The following CREBRF variants were observed in gnomAD, a reference collection of about 807,000 sequenced individuals.
CREBRF encodes UPF0474 protein C5orf41.
In CREBRF, 5 loss-of-function variants were observed where a neutral mutation model predicts 66.1. The ratio of observed to expected loss-of-function variants is 0.08; its 90% CI spans 0.04 to 0.16. The LOEUF (loss-of-function observed/expected upper bound fraction) is 0.16, where lower values mean the gene tolerates loss of function less well. Ranked by LOEUF, CREBRF falls within the 10% of genes least tolerant of loss-of-function variation. The probability of loss-of-function intolerance (pLI) is 1.00; values close to 1 mark genes in which losing one functional copy is unlikely to be tolerated. For synonymous variants in CREBRF, 229 were observed against 264.4 expected, an observed-to-expected ratio of 0.87 and a Z score of 1.30; for missense variants, 531 against 744.9, an observed-to-expected ratio of 0.71 and a Z score of 3.34.
At chr5:173,069,812 C>A (rs966401179) in intron 1 of CREBRF, among the ~76,000 whole-genome samples, 2 of 152,038 alleles carry the variant, frequency 1.3e-5, no homozygotes, top group African/African-American at 4.8e-5. Context: ...GGTGGTATAG[C>A]CTGCTTCACA....
intron 2 of CREBRF, chr5:173,085,990 T>A (rs1010951036): frequency 6.6e-7 from 1 of 1,507,918 alleles, no homozygotes; most frequent in African/African-American, 1.4e-5. Flanking sequence ...GAAATACATC[T>A]GTTTGTGGAT....
Position 173,090,793 on chromosome 5 carries a change from G to A in CREBRF, c.614G>A (p.Ser205Asn), listed in dbSNP as rs762457981. 1 of 1,614,104 alleles carries A rather than the reference G, an allele frequency of 6.2e-7. No individual in the cohort carries two copies. Among genetic ancestry groups the A allele is most frequent in the South Asian group, 1.1e-5 (1 of 91,086 alleles). ...TTGTCAGACTGTGTCCAAAAAGCAAGTAAACCCACTTCAAGCACACAAATC... is the reference window on the plus strand; with the variant it reads ...TTGTCAGACTGTGTCCAAAAAGCAAATAAACCCACTTCAAGCACACAAATC... Reference protein sequence around the residue: ...VPLSDCVQKASKPTSSTQIMV... With the variant: ...VPLSDCVQKANKPTSSTQIMV... Residue 205 changes from serine to asparagine, a missense_variant, in exon 4 of 9, where the codon AGT becomes AAT. Physicochemically the swap from Ser to Asn is conservative, Grantham distance 46. Coordinates refer to ENST00000296953, the MANE Select transcript of CREBRF (RefSeq NM_153607.3). This position sits in a 1 kb window ranked among gnomAD's most constrained non-coding sequence, Gnocchi z 4.5.
At chr5:173,094,905 A>G (rs1261984175) in intron 4 of CREBRF, among the ~76,000 whole-genome samples, 3 of 151,920 alleles carry the variant, frequency 2.0e-5, no homozygotes, top group Admixed American at 1.3e-4. Context: ...TAGTATTTTT[A>G]TTATTTAGTT....
At chr5:173,111,657 C>T (rs920596803) in intron 6 of CREBRF, among the ~76,000 whole-genome samples, 4 of 152,188 alleles carry the variant, frequency 2.6e-5, no homozygotes, top group African/African-American at 9.7e-5. Flanking sequence ...TATCCATTCA[C>T]CAGTTGAAGG....
At chr5:173,078,661 C>G (rs1412852685) in intron 1 of CREBRF, among the ~76,000 whole-genome samples, 1 of 151,410 alleles carries the variant, frequency 6.6e-6, no homozygotes, top group Non-Finnish European at 1.5e-5. Context: ...CGGGTTCACA[C>G]CATTCTCCTG....
At chr5:173,118,431 C>A (rs72816140) in intron 7 of CREBRF, among the ~76,000 whole-genome samples, 5,719 of 152,172 alleles carry the variant, frequency 0.038, 141 homozygotes, top group South Asian at 0.091. Flanking sequence ...CCAGCATTTA[C>A]AAATCTTTTC....
chr5:173,112,436 C>T, intron 7 of CREBRF, 57 bp downstream of exon 7: 4 of 1,209,676 alleles, frequency 3.3e-6, no homozygotes, highest in Admixed American at 2.1e-5. Context: ...TGACCACTCT[C>T]TCTTTTCTTT....
Position 173,090,895 on chromosome 5 carries a change from A to G in CREBRF, c.716A>G (p.Lys239Arg), listed in dbSNP as rs747234883. The G allele has an allele frequency of 6.2e-7, 1 of 1,614,226 alleles. No individual in the cohort carries two copies. Among genetic ancestry groups the G allele is most frequent in the South Asian group, 1.1e-5 (1 of 91,082 alleles). The change falls in exon 4 of 9, where the codon AAG becomes AGG. Residue 239 changes from lysine to arginine, a missense_variant. Physicochemically the swap from Lys to Arg is conservative, Grantham distance 26 (BLOSUM62 2). Coordinates refer to ENST00000296953, the MANE Select transcript of CREBRF (RefSeq NM_153607.3). The surrounding 1 kb of genome is among the most constrained non-coding windows in gnomAD (Gnocchi z 4.5). The stretch of plus-strand genomic sequence containing the variant: ...TGTAAAGACTATGTAAAAAAGGCAA[A>G]GGTAAAGATCAACCCAGTGCAACAG... ...VECKDYVKKA[K>R]VKINPVQQSR...
intron 2 of CREBRF, among the ~76,000 whole-genome samples, chr5:173,082,003 G>GTTTTTTTTTTGTTTTTTT (rs780926481): frequency 1.9e-4 from 15 of 78,034 alleles, no homozygotes; most frequent in South Asian, 1.0e-3. Flanking sequence ...TCAAGGTTTA[G>GTTTTTTTTTTGTTTTTTT]TTTTTTTTTT....
chr5:173,099,725 T>G (rs1247277105), intron 4 of CREBRF, among the ~76,000 whole-genome samples: 3 of 152,116 alleles, frequency 2.0e-5, no homozygotes, highest in Non-Finnish European at 4.4e-5. Flanking sequence ...CTACAGATTT[T>G]TCTTTGTGAT....
chr5:173,084,371 A>G (rs1394093351), intron 2 of CREBRF, among the ~76,000 whole-genome samples: 1 of 152,252 alleles, frequency 6.6e-6, no homozygotes, highest in Non-Finnish European at 1.5e-5. Flanking sequence ...CCAGGGTGGA[A>G]CCAGGGAACA....
In CREBRF at chr5:173,122,513, C is replaced by CT. The variant is rs570872361; in HGVS notation, c.1682-556dup. On this transcript the variant is annotated intron_variant, in intron 7 of 8. Coordinates refer to ENST00000296953, the MANE Select transcript of CREBRF (RefSeq NM_153607.3). ...ATGCTTTCTTACACATTCTCCATTT[C>CT]TTTTTTTTTTTGAGCATAGAATTTT... Among the ~76,000 whole-genome samples the CT allele has an allele frequency of 1.8e-3, 242 of 136,618 alleles. 1 individual carries two copies. The highest frequency in any genetic ancestry group is 6.9e-3 in the East Asian group (32 of 4,636). The allele number at this position is 136,618 out of a possible 152,430, so 89.6% of individuals were successfully genotyped here.
intron 8 of CREBRF, among the ~76,000 whole-genome samples, chr5:173,130,842 C>T (rs1168715125): frequency 6.6e-6 from 1 of 152,096 alleles, no homozygotes; most frequent in Non-Finnish European, 1.5e-5. Flanking sequence ...ACTCCCAAGT[C>T]ACTGGTCGTA....
intron 1 of CREBRF, among the ~76,000 whole-genome samples, chr5:173,078,313 A>G (rs1028407820): frequency 6.6e-6 from 1 of 152,122 alleles, no homozygotes; most frequent in Non-Finnish European, 1.5e-5. Context: ...CGGAAGAGCT[A>G]CTTACTGTTG....
At chr5:173,115,084 GTTTTTTCTTTT>G (rs1758955435) in intron 7 of CREBRF, among the ~76,000 whole-genome samples, 1 of 150,654 alleles carries the variant, frequency 6.6e-6, no homozygotes, top group African/African-American at 2.4e-5. Flanking sequence ...ATTTTATAGT[GTTTTTTCTTTT>G]TCTTTTCTTT....
chr5:173,072,282 CTTT>C (rs1304681293), intron 1 of CREBRF, among the ~76,000 whole-genome samples: 1 of 145,612 alleles, frequency 6.9e-6, no homozygotes, highest in Non-Finnish European at 1.5e-5. Context: ...TTTTTTATCC[CTTT>C]TTTTTTTTAA....
intron 1 of CREBRF, among the ~76,000 whole-genome samples, chr5:173,071,837 T>A (rs966675499): frequency 4.0e-5 from 6 of 151,710 alleles, no homozygotes; most frequent in Non-Finnish European, 8.8e-5. Context: ...AGGCGATTGC[T>A]TGAGCCCAGG....
chr5:173,089,136 C>G (rs1239628622), intron 3 of CREBRF, among the ~76,000 whole-genome samples: 1 of 146,174 alleles, frequency 6.8e-6, no homozygotes, highest in African/African-American at 2.6e-5. Flanking sequence ...AAGATCGCGC[C>G]ACTGCACTCC....
intron 8 of CREBRF, among the ~76,000 whole-genome samples, chr5:173,127,605 G>T (rs1041006608): frequency 6.6e-6 from 1 of 151,516 alleles, no homozygotes; most frequent in East Asian, 1.9e-4. Context: ...GACTACAGGC[G>T]CATGCCACCG....
Sources: allele counts gnomAD v4.1 joint callset (sites outside exome capture counted in the v4.1 genomes callset), GRCh38; gene constraint gnomAD v4.1.1; non-coding constraint Gnocchi (gnomAD v3.1); transcripts MANE v1.5; gene names NCBI Gene and HGNC (gene_info 2026-07-23, HGNC 2026-07-21).